The following MED1 variants were observed in gnomAD, a reference collection of about 807,000 sequenced individuals.
The protein encoded by MED1 is mediator complex subunit 1.
Under a neutral mutation model 121.3 loss-of-function variants are expected in MED1, and 17 were observed. The ratio of observed to expected loss-of-function variants is 0.14; its 90% CI spans 0.10 to 0.21. The LOEUF (loss-of-function observed/expected upper bound fraction) is 0.21. MED1 is among the 10% of genes least tolerant of loss of function. The pLI is 1.00. For synonymous variants in MED1, 661 were observed against 694.4 expected, an observed-to-expected ratio of 0.95 and a Z score of 0.76; for missense variants, 1,558 against 1,919.4, an observed-to-expected ratio of 0.81 and a Z score of 3.52.
Position 39,427,800 on chromosome 17 carries a change from A to G in MED1, c.650-10T>C. ...AGGTTCATTAAATGACCTATAAAAA[A>G]TAAAACTCATAACTGTATCTTTATC... On this transcript the variant is annotated splice_polypyrimidine_tract_variant and intron_variant, in intron 9 of 16. Coordinates refer to ENST00000300651, the MANE Select transcript of MED1 (RefSeq NM_004774.4). 1.3e-6 allele frequency: 2 copies of G among 1,488,810 alleles called. No individual in the cohort carries two copies. The highest frequency in any genetic ancestry group is 9.3e-7 in the Non-Finnish European group (1 of 1,073,754). The allele number at this position is 1,488,810 out of a possible 1,614,324, so 92.2% of individuals were successfully genotyped here.
chr17:39,435,936 A>T (rs533809231), intron 6 of MED1, among the ~76,000 whole-genome samples: 3 of 151,996 alleles, frequency 2.0e-5, no homozygotes, highest in Non-Finnish European at 4.4e-5. Context: ...GCCGGGCATA[A>T]TGGCAGGTAC....
intron 16 of MED1, among the ~76,000 whole-genome samples, chr17:39,411,051 T>G (rs1281467143): frequency 6.6e-6 from 1 of 152,182 alleles, no homozygotes; most frequent in Non-Finnish European, 1.5e-5. Context: ...CCGGGCACAG[T>G]GGCTCACGCC....
At chr17:39,439,813 C>G (rs1238307021) in intron 5 of MED1, among the ~76,000 whole-genome samples, 1 of 151,882 alleles carries the variant, frequency 6.6e-6, no homozygotes, top group African/African-American at 2.4e-5. Context: ...TGGCACACAC[C>G]TGTAATCCCA....
intron 6 of MED1, among the ~76,000 whole-genome samples, chr17:39,438,171 CTATTT>C (rs1361067971): frequency 1.3e-5 from 2 of 148,772 alleles, no homozygotes; most frequent in Non-Finnish European, 1.5e-5. Context: ...AACCTCGTCT[CTATTT>C]TTTTTTTTTT....
At position 39,405,400 on chromosome 17, in the gene MED1, A is replaced by G. The variant is rs1426988894; in HGVS notation, c.*2075T>C. ...ATGGGGGAGCTGAGCCCATGATACT[A>G]TTCAGTACATTCCCCCTAAGATTCT... On this transcript the variant is annotated 3_prime_UTR_variant, in exon 17 of 17. Coordinates refer to ENST00000300651, the MANE Select transcript of MED1 (RefSeq NM_004774.4). The G allele has an allele frequency of 2.6e-6, 4 of 1,516,774 alleles. No homozygotes were observed. In the Admixed American group the frequency reaches 6.4e-5, roughly 24 times the overall value. 94.0% of individuals were successfully genotyped at this position (1,516,774 alleles called of 1,614,324 possible).
chr17:39,410,593 G>A lies in MED1; in HGVS notation c.1628C>T (p.Ala543Val). 6.2e-7 allele frequency: 1 copy of A among 1,614,212 alleles called. No homozygotes were observed. The highest frequency in any genetic ancestry group is 8.5e-7 in the Non-Finnish European group (1 of 1,180,050). ...EDMVKKNLPP[A>V]SSPGYGMTTG... ...GGTCATGCCATACCCTGGGCTGCTAGCCGGGGGCAGGTTCTTTTTCACCAT... is the reference window on the plus strand; with the variant it reads ...GGTCATGCCATACCCTGGGCTGCTAACCGGGGGCAGGTTCTTTTTCACCAT... The change falls in exon 17 of 17, where the codon GCT (alanine) becomes GTT (valine). Residue 543 changes from alanine (A) to valine (V), a missense_variant. By Grantham distance (64) the Ala-to-Val change is moderately conservative. Around this residue, in one of 5 missense-constraint regions of MED1, gnomAD observed 50 missense variants for 134.5 expected, o/e 0.37. Transcript: ENST00000300651.
intron 6 of MED1, among the ~76,000 whole-genome samples, chr17:39,438,120 G>A (rs1415940094): frequency 6.6e-6 from 1 of 150,648 alleles, no homozygotes; most frequent in Non-Finnish European, 1.5e-5. Context: ...TTTGGGAGAT[G>A]TGAGGTCAGG....
chr17:39,425,904 C>T (rs1363510768), intron 10 of MED1, among the ~76,000 whole-genome samples: 1 of 151,910 alleles, frequency 6.6e-6, no homozygotes, highest in Non-Finnish European at 1.5e-5. Flanking sequence ...AGTCCAAAAA[C>T]ATCATTTTTG....
chr17:39,440,802 T>A lies in MED1; in HGVS notation c.212-125A>T. On this transcript the variant is annotated intron_variant, in intron 3 of 16. Coordinates refer to ENST00000300651, the MANE Select transcript of MED1 (RefSeq NM_004774.4). This position sits in a 1 kb window ranked among gnomAD's most constrained non-coding sequence, Gnocchi z 4.1. ...TATTCAGTAGTTCAAATGCTTGTAATTTACATAAAGTTCACTGATTAGGGT... is the reference window on the plus strand; with the variant it reads ...TATTCAGTAGTTCAAATGCTTGTAAATTACATAAAGTTCACTGATTAGGGT... The A allele has an allele frequency of 7.5e-6, 7 of 929,246 alleles. No homozygotes were observed. Among genetic ancestry groups the A allele is most frequent in the Non-Finnish European group, 1.0e-5 (6 of 600,924 alleles). The allele number at this position is 929,246 out of a possible 1,614,324, so 57.6% of individuals were successfully genotyped here. A position where few individuals can be genotyped will look rare whatever the true frequency, so the allele number is the denominator to read the frequency against.
intron 7 of MED1, among the ~76,000 whole-genome samples, chr17:39,432,366 A>C (rs1221924339): frequency 1.5e-5 from 2 of 133,174 alleles, no homozygotes; most frequent in East Asian, 4.4e-4. Flanking sequence ...AAAAAAGTTG[A>C]AAAATACACA....
Position 39,409,399 on chromosome 17 carries a change from A to G in MED1, c.2822T>C (p.Leu941Ser). The G allele has an allele frequency of 6.2e-7, 1 of 1,614,166 alleles. No homozygotes were observed. Among genetic ancestry groups the G allele is most frequent in the Non-Finnish European group, 8.5e-7 (1 of 1,180,032 alleles). The change falls in exon 17 of 17, where the codon TTA (leucine) becomes TCA (serine). Residue 941 changes from leucine (L) to serine (S), a missense_variant. This residue lies in a region of MED1 where 793 missense variants were observed against 898.2 expected (regional missense o/e 0.88). Coordinates refer to ENST00000300651, the MANE Select transcript of MED1 (RefSeq NM_004774.4). Reference protein sequence around the residue: ...FSIISVAGKALAPADLMEHHS... With the variant: ...FSIISVAGKASAPADLMEHHS... ...ATGCTCCATAAGATCTGCAGGAGCT[A>G]AAGCTTTGCCGGCTACTGAAATAAT...
chr17:39,423,835 A>T lies in MED1; in HGVS notation c.852-14T>A. 1.3e-6 allele frequency: 2 copies of T among 1,590,798 alleles called. No homozygotes were observed. Among genetic ancestry groups the T allele is most frequent in the Non-Finnish European group, 1.7e-6 (2 of 1,172,560 alleles). ...AAGGAAGGGGTCCTTCAAAAAAAAGAGGGTGGAAGGGTTGGATTCTGACTT... is the reference window on the plus strand; with the variant it reads ...AAGGAAGGGGTCCTTCAAAAAAAAGTGGGTGGAAGGGTTGGATTCTGACTT... On this transcript the variant is annotated splice_polypyrimidine_tract_variant and intron_variant, in intron 11 of 16. Transcript: ENST00000300651.
chr17:39,414,338 A>T (rs1422026647), intron 16 of MED1, among the ~76,000 whole-genome samples: 3 of 142,376 alleles, frequency 2.1e-5, no homozygotes, highest in Admixed American at 7.1e-5. Flanking sequence ...TGAAAACAAC[A>T]TTTTTTTTTT....
rs1334674114 is a variant in MED1 at position 39,440,526 on chromosome 17, G to A, written c.267-8C>T. On this transcript the variant is annotated splice_region_variant and splice_polypyrimidine_tract_variant and intron_variant, in intron 4 of 16. Transcript: ENST00000300651. This position sits in a 1 kb window ranked among gnomAD's most constrained non-coding sequence, Gnocchi z 4.1. ...CTGAGATGAGAGCCCAGTCTAGCAG[G>A]AACAAATCAAAACAAAAATTAATAG... The A allele has an allele frequency of 6.2e-7, 1 of 1,612,050 alleles. No individual in the cohort carries two copies. Among genetic ancestry groups the A allele is most frequent in the Non-Finnish European group, 8.5e-7 (1 of 1,179,644 alleles).
intron 7 of MED1, among the ~76,000 whole-genome samples, chr17:39,432,933 C>T (rs2048580494): frequency 6.6e-6 from 1 of 151,970 alleles, no homozygotes; most frequent in African/African-American, 2.4e-5. Flanking sequence ...GGTGGCTGGG[C>T]GCAATGTCTC....
Position 39,415,040 on chromosome 17 carries a change from G to C in MED1, c.1485C>G (p.Ala495=). 6.2e-7 allele frequency: 1 copy of C among 1,613,744 alleles called. No individual in the cohort carries two copies. Residue 495 remains alanine, a synonymous_variant, in exon 16 of 17, where the codon GCC becomes GCG. Transcript: ENST00000300651. ...GCCAAGGCTACCTTTGAACAACTTT[G>C]GCAATGAAGTCATCTGTGCAGATCA... ...DALICTDDFI[A]KVVQRCMSIP...
chr17:39,451,249 CCCCAA>C lies in MED1; in HGVS notation c.-192_-188del, dbSNP rs780400495. 6.4e-5 allele frequency: 39 copies of C among 609,038 alleles called. No homozygotes were observed. Among genetic ancestry groups the C allele is most frequent in the Non-Finnish European group, 1.1e-4 (38 of 351,028 alleles). The allele number at this position is 609,038 out of a possible 1,614,324, so 37.7% of individuals were successfully genotyped here. On this transcript the variant is annotated 5_prime_UTR_variant, in exon 1 of 17. Transcript: ENST00000300651. The stretch of plus-strand genomic sequence containing the variant: ...GGGTGCTCGAGGCCGCCGCCATCTT[CCCCAA>C]CGGAACTTCCCAAAATTCGCGAGAT...
rs1330855510 is a variant in MED1, at chr17:39,423,705, T to C, written c.968A>G (p.Asn323Ser). Residue 323 changes from asparagine (N) to serine (S), a missense_variant, in exon 12 of 17, where the codon AAC (asparagine) becomes AGC (serine). By Grantham distance (46) the Asn-to-Ser change is conservative (BLOSUM62 1). Transcript: ENST00000300651. Reference protein sequence around the residue: ...VSRAFVQKLQNCTGIPLFETQ... With the variant: ...VSRAFVQKLQSCTGIPLFETQ... The stretch of plus-strand genomic sequence containing the variant: ...TGATGCTCAAAACTCACCTGTGCAG[T>C]TCTGCAGTTTCTGAACAAATGCTCT... 6.2e-7 allele frequency: 1 copy of C among 1,613,942 alleles called. No individual in the cohort carries two copies. Among genetic ancestry groups the C allele is most frequent in the Non-Finnish European group, 8.5e-7 (1 of 1,179,986 alleles).
At chr17:39,431,273 A>G (rs2048562785) in intron 8 of MED1, 85 bp from the exon 9 acceptor site, 2 of 1,108,038 alleles carry the variant, frequency 1.8e-6, no homozygotes. Context: ...ACCTCTCCGA[A>G]GTCTTGTCTT....
Sources: allele counts gnomAD v4.1 joint callset (sites outside exome capture counted in the v4.1 genomes callset), GRCh38; gene constraint gnomAD v4.1.1; regional missense constraint gnomAD v4.1.1; non-coding constraint Gnocchi (gnomAD v3.1); transcripts MANE v1.5; gene names NCBI Gene and HGNC (gene_info 2026-07-23, HGNC 2026-07-21).